The following MEIS2 variants were observed in gnomAD, a reference collection of about 807,000 sequenced individuals.
MEIS2 encodes homeobox protein Meis2.
A neutral mutation model predicts 58.6 loss-of-function variants in MEIS2; 9 were observed. The observed-to-expected ratio is 0.15, with a 90% CI of 0.09 to 0.27. The LOEUF (loss-of-function observed/expected upper bound fraction) is 0.27, where lower values mean the gene tolerates loss of function less well. MEIS2 is among the 10% of genes least tolerant of loss of function. The pLI is 1.00. For synonymous variants in MEIS2, 221 were observed against 228.4 expected, an observed-to-expected ratio of 0.97 and a Z score of 0.29; for missense variants, 427 against 635.0, an observed-to-expected ratio of 0.67 and a Z score of 3.52.
At chr15:36,897,013 T>G (rs527784118) in intron 9 of MEIS2, 232 of 231,772 alleles carry the variant, frequency 1.0e-3, no homozygotes, top group African/African-American at 4.8e-3. Context: ...CTGGAAGACT[T>G]TCCCCCTTTC....
intron 8 of MEIS2, among the ~76,000 whole-genome samples, chr15:37,010,595 C>T (rs552507051): frequency 6.6e-6 from 1 of 152,196 alleles, no homozygotes; most frequent in Non-Finnish European, 1.5e-5. Flanking sequence ...TCAGGCTGGC[C>T]CTCGAACTCC....
intron 8 of MEIS2, among the ~76,000 whole-genome samples, chr15:36,976,520 TTATACA>T (rs1255045678): frequency 6.7e-6 from 1 of 149,118 alleles, no homozygotes; most frequent in Non-Finnish European, 1.5e-5. Flanking sequence ...ATATGTATAC[TTATACA>T]TATATATCAT....
At chr15:37,022,114 AC>A (rs970307539) in intron 8 of MEIS2, among the ~76,000 whole-genome samples, 1 of 152,072 alleles carries the variant, frequency 6.6e-6, no homozygotes, top group African/African-American at 2.4e-5. Flanking sequence ...TTTCTTCATG[AC>A]AAACTCCTAG....
At position 37,097,951 on chromosome 15, in the gene MEIS2, C is replaced by CG. The variant is rs773992322; in HGVS notation, c.245+15dup. Reference sequence around the variant, plus strand: ...ACACTCACACACAGTAAGCTGGGTCCGGGGGGTCAGTTTACCCATAGATCG... The same window carrying CG: ...ACACTCACACACAGTAAGCTGGGTCCGGGGGGGTCAGTTTACCCATAGATCG... On this transcript the variant is annotated intron_variant, in intron 2 of 11. Transcript: ENST00000561208. 13 of 1,573,264 alleles carry CG rather than the reference C, an allele frequency of 8.3e-6. No individual in the cohort carries two copies. The highest frequency in any genetic ancestry group is 6.9e-6 in the Non-Finnish European group (8 of 1,155,396).
intron 9 of MEIS2, among the ~76,000 whole-genome samples, chr15:36,902,238 G>A (rs1484183575): frequency 6.6e-6 from 1 of 152,208 alleles, no homozygotes; most frequent in Admixed American, 6.5e-5. Context: ...TTAGGAATAG[G>A]TGGGTGGCTG....
intron 7 of MEIS2, among the ~76,000 whole-genome samples, chr15:37,067,374 A>C (rs4369612): frequency 0.015 from 2,326 of 152,104 alleles, 56 homozygotes; most frequent in African/African-American, 0.053. Flanking sequence ...CTTCCACCAA[A>C]TTCCTTTACA....
chr15:36,948,780 T>C (rs1301665692), intron 9 of MEIS2, among the ~76,000 whole-genome samples: 1 of 151,986 alleles, frequency 6.6e-6, no homozygotes, highest in African/African-American at 2.4e-5. Context: ...TATGTTTACA[T>C]ATATATTTAC....
chr15:36,916,996 T>C (rs758411345), intron 9 of MEIS2, among the ~76,000 whole-genome samples: 1 of 152,156 alleles, frequency 6.6e-6, no homozygotes, highest in East Asian at 1.9e-4. Context: ...GATACACTCA[T>C]GCACACATAT....
intron 8 of MEIS2, among the ~76,000 whole-genome samples, chr15:37,015,259 A>G (rs2061309924): frequency 6.6e-6 from 1 of 152,226 alleles, no homozygotes; most frequent in Non-Finnish European, 1.5e-5. Context: ...TTCACTGCTC[A>G]GGGTGTACTC....
Position 36,967,733 on chromosome 15 carries a change from A to G in MEIS2, c.901-17333T>C, listed in dbSNP as rs1006634710. Among the ~76,000 whole-genome samples, 8 of 152,142 alleles carry G rather than the reference A, an allele frequency of 5.3e-5. No homozygotes were observed. The East Asian group carries it at 1.5e-3, about 29-fold the overall frequency. On this transcript the variant is annotated intron_variant, in intron 8 of 11. Transcript: ENST00000561208. ...ATTGTCTTCTCTATTTTATTCCTCT[A>G]TTATTGCCACCAAAACCCCTTCCAT...
chr15:36,991,951 C>G (rs1438705052), intron 8 of MEIS2, among the ~76,000 whole-genome samples: 1 of 149,810 alleles, frequency 6.7e-6, no homozygotes, highest in Admixed American at 6.6e-5. Context: ...CTACGCCCGG[C>G]TAATTTTTTG....
At chr15:36,975,865 GA>G (rs2059730561) in intron 8 of MEIS2, among the ~76,000 whole-genome samples, 1 of 152,070 alleles carries the variant, frequency 6.6e-6, no homozygotes. Context: ...CAAATTTTAA[GA>G]ATTATCACCA....
intron 9 of MEIS2, among the ~76,000 whole-genome samples, chr15:36,915,781 T>C (rs961962049): frequency 1.3e-5 from 2 of 152,200 alleles, no homozygotes; most frequent in African/African-American, 4.8e-5. Flanking sequence ...ATAGGGCTCA[T>C]TGAGTCAAGT....
chr15:37,011,383 C>T (rs543618695), intron 8 of MEIS2, among the ~76,000 whole-genome samples: 11 of 152,084 alleles, frequency 7.2e-5, no homozygotes, highest in East Asian at 1.9e-4. Flanking sequence ...GTTAATTATA[C>T]GCAGACATTT....
chr15:37,062,143 C>A (rs1170757466), intron 7 of MEIS2, among the ~76,000 whole-genome samples: 2 of 152,112 alleles, frequency 1.3e-5, no homozygotes, highest in African/African-American at 4.8e-5. Flanking sequence ...CCAGGTAAGG[C>A]AGTGTGACCC....
Position 37,099,592 on chromosome 15 carries a change from C to A in MEIS2, c.-126G>T. On this transcript the variant is annotated 5_prime_UTR_variant, in exon 1 of 12. Transcript: ENST00000561208. The stretch of plus-strand genomic sequence containing the variant: ...AACCAAAGAGACTTCTCCCAATTCT[C>A]CAATATGCTATTTTTTAGGGGGGAA... The A allele has an allele frequency of 7.3e-7, 1 of 1,373,168 alleles. No homozygotes were observed. Among genetic ancestry groups the A allele is most frequent in the Non-Finnish European group, 9.9e-7 (1 of 1,009,292 alleles). 85.1% of individuals were successfully genotyped at this position (1,373,168 alleles called of 1,614,324 possible).
intron 9 of MEIS2, among the ~76,000 whole-genome samples, chr15:36,917,042 T>TG (rs2057311424): frequency 6.6e-6 from 1 of 152,172 alleles, no homozygotes; most frequent in East Asian, 1.9e-4. Flanking sequence ...TGCAAATGAT[T>TG]GGGGGCTAGG....
chr15:36,920,884 T>C (rs2057479349), intron 9 of MEIS2, among the ~76,000 whole-genome samples: 1 of 152,138 alleles, frequency 6.6e-6, no homozygotes. Context: ...CTGACAAATA[T>C]GGGTGGAAGC....
At chr15:37,043,146 C>A (rs1038285277) in intron 7 of MEIS2, among the ~76,000 whole-genome samples, 2 of 152,156 alleles carry the variant, frequency 1.3e-5, no homozygotes, top group Admixed American at 6.5e-5. Flanking sequence ...ACTGGTACTT[C>A]TTTTAGGGAA....
Sources: allele counts gnomAD v4.1 joint callset (sites outside exome capture counted in the v4.1 genomes callset), GRCh38; gene constraint gnomAD v4.1.1; transcripts MANE v1.5; gene names NCBI Gene and HGNC (gene_info 2026-07-23, HGNC 2026-07-21).